The following TXNRD2 variants were observed in gnomAD, a reference collection of about 807,000 sequenced individuals.
The protein encoded by TXNRD2 is thioredoxin reductase 2.
A neutral mutation model predicts 70.8 loss-of-function variants in TXNRD2; 67 were observed. That is an observed-to-expected ratio of 0.95 (90% confidence interval 0.78 to 1.16). The LOEUF is 1.16. Ranked by LOEUF, TXNRD2 falls within the 50% of genes most tolerant of loss-of-function variation. The probability of loss-of-function intolerance (pLI) is 0.00; values close to 1 mark genes in which losing one functional copy is unlikely to be tolerated. For missense variants in TXNRD2, 644 were observed against 719.9 expected, an observed-to-expected ratio of 0.89 and a Z score of 1.21; for synonymous variants, 301 against 295.8, an observed-to-expected ratio of 1.02 and a Z score of -0.18.
chr22:19,941,481 A>G, intron 1 of TXNRD2: 1 of 717,314 alleles, frequency 1.4e-6, no homozygotes. Context: ...AGGACCTTAG[A>G]CAAGGCACCC....
intron 8 of TXNRD2, among the ~76,000 whole-genome samples, chr22:19,907,492 GCA>G (rs1422894003): frequency 2.1e-4 from 2 of 9,680 alleles, no homozygotes; most frequent in Non-Finnish European, 1.7e-4. Flanking sequence ...GAGTGTGGGT[GCA>G]CCGTGGGTAG....
chr22:19,901,951 C>A (rs559964891), intron 8 of TXNRD2, among the ~76,000 whole-genome samples: 2 of 152,314 alleles, frequency 1.3e-5, no homozygotes, highest in African/African-American at 4.8e-5. Flanking sequence ...GCAATCCCAG[C>A]ACTCTGGGAG....
chr22:19,930,333 C>T (rs4333017), intron 2 of TXNRD2, among the ~76,000 whole-genome samples: 15,054 of 152,170 alleles, frequency 0.099, 997 homozygotes, highest in Non-Finnish European at 0.14. Context: ...CCATTCACCA[C>T]AACTGCCCTC....
intron 8 of TXNRD2, among the ~76,000 whole-genome samples, chr22:19,904,718 G>A (rs1490239807): frequency 6.6e-6 from 1 of 152,208 alleles, no homozygotes; most frequent in Non-Finnish European, 1.5e-5. Flanking sequence ...GGGGCCAGGG[G>A]GACAGGGAGC....
intron 13 of TXNRD2, 105 bp from the exon 14 acceptor site, chr22:19,880,376 G>T: frequency 1.6e-6 from 2 of 1,226,552 alleles, no homozygotes; most frequent in Non-Finnish European, 2.3e-6. Context: ...GACCAGATGC[G>T]CCCAGAGCAG....
At chr22:19,936,223 T>C (rs1044985851) in intron 1 of TXNRD2, among the ~76,000 whole-genome samples, 4 of 151,998 alleles carry the variant, frequency 2.6e-5, no homozygotes, top group Non-Finnish European at 5.9e-5. Flanking sequence ...CACCCTGCAG[T>C]TACCACAGTT....
rs563747332 is a variant in TXNRD2 at position 19,895,139 on chromosome 22, T to C, written c.949+268A>G. 79 of 1,598,452 alleles carry C rather than the reference T, an allele frequency of 4.9e-5. No individual in the cohort carries two copies. In the African/African-American group the frequency reaches 1.1e-3, roughly 21 times the overall value. ...ACACCTGGCTGATGCCGTCTCAGTC[T>C]CTTCTCTGGTTTTTTCCAGCATGTC... On this transcript the variant is annotated intron_variant, in intron 11 of 17. Transcript: ENST00000400521.
intron 8 of TXNRD2, among the ~76,000 whole-genome samples, chr22:19,909,950 C>G (rs1940326885): frequency 6.9e-6 from 1 of 144,316 alleles, no homozygotes; most frequent in Admixed American, 7.0e-5. Context: ...ACACCACACA[C>G]ACACACCACT....
chr22:19,907,090 G>A, intron 8 of TXNRD2, among the ~76,000 whole-genome samples: 1 of 112,998 alleles, frequency 8.8e-6, no homozygotes, highest in African/African-American at 3.4e-5. Flanking sequence ...TCTCAGGAGA[G>A]TGTGGGCGCC....
Position 19,906,001 on chromosome 22 carries a change from A to G in TXNRD2, c.662+5376T>C, listed in dbSNP as rs146371922. ...AAAGCCACTAAGTGTAAAAGATTTA[A>G]GTTACATTAAAAAAAACTTAAACCA... On this transcript the variant is annotated intron_variant, in intron 8 of 17. Transcript: ENST00000400521. Among the ~76,000 whole-genome samples the G allele has an allele frequency of 3.4e-3, 515 of 152,292 alleles. 3 individuals carry two copies. Among genetic ancestry groups the G allele is most frequent in the African/African-American group, 0.012 (502 of 41,536 alleles).
At chr22:19,932,401 C>T in intron 1 of TXNRD2, 1 of 1,612,634 alleles carries the variant, frequency 6.2e-7, no homozygotes, top group Non-Finnish European at 8.5e-7. Flanking sequence ...CCACTCTCAG[C>T]CTTTTTAGCC....
chr22:19,929,296 C>G (rs868589886), intron 2 of TXNRD2, among the ~76,000 whole-genome samples: 1 of 144,428 alleles, frequency 6.9e-6, no homozygotes, highest in African/African-American at 2.6e-5. Flanking sequence ...CACTGCACTC[C>G]AGCCTGGGCA....
intron 2 of TXNRD2, among the ~76,000 whole-genome samples, chr22:19,925,140 C>T (rs367946195): frequency 2.0e-5 from 3 of 151,738 alleles, no homozygotes; most frequent in East Asian, 1.9e-4. Flanking sequence ...AAAAATTAGA[C>T]GGGCATGGTG....
chr22:19,929,014 AAAAG>A (rs1315360954), intron 2 of TXNRD2, among the ~76,000 whole-genome samples: 2 of 148,776 alleles, frequency 1.3e-5, no homozygotes, highest in Non-Finnish European at 3.0e-5. Flanking sequence ...GCAAAAAAAA[AAAAG>A]AGGTAGTTAA....
At chr22:19,900,074 G>A (rs1939702176) in intron 8 of TXNRD2, among the ~76,000 whole-genome samples, 1 of 152,230 alleles carries the variant, frequency 6.6e-6, no homozygotes, top group Admixed American at 6.5e-5. Flanking sequence ...TTCTGCAGGT[G>A]CCCTGCGGGA....
chr22:19,894,949 G>A (rs1298761225), intron 11 of TXNRD2: 23 of 1,379,154 alleles, frequency 1.7e-5, no homozygotes, highest in African/African-American at 1.4e-4. Flanking sequence ...CAGCCTGGGC[G>A]ACAGAGCGAG....
chr22:19,895,787 G>A (rs1939480530), intron 10 of TXNRD2, among the ~76,000 whole-genome samples: 1 of 152,164 alleles, frequency 6.6e-6, no homozygotes, highest in Non-Finnish European at 1.5e-5. Flanking sequence ...TCAACCCTGG[G>A]CCCTATGGTC....
rs1246351128 is a variant in TXNRD2, at chr22:19,898,093, A to C, written c.720T>G (p.Ile240Met). 6 of 1,567,304 alleles carry C rather than the reference A, an allele frequency of 3.8e-6. No individual in the cohort carries two copies. In the African/African-American group the frequency reaches 6.8e-5, roughly 18 times the overall value. Residue 240 changes from isoleucine (I) to methionine (M), a missense_variant, in exon 10 of 18, where the codon ATT becomes ATG. Physicochemically the swap from Ile to Met is conservative, Grantham distance 10 (BLOSUM62 1). Transcript: ENST00000400521. The stretch of plus-strand genomic sequence containing the variant: ...GCATCATGATGGTGGTGTCCAGCCC[A>C]ATCCCGGTGAGGAAGCCAGCACACT... ...ALECAGFLTG[I>M]GLDTTIMMRS...
intron 2 of TXNRD2, among the ~76,000 whole-genome samples, chr22:19,924,917 TAGC>T (rs928908470): frequency 6.7e-6 from 1 of 149,434 alleles, no homozygotes; most frequent in African/African-American, 2.5e-5. Flanking sequence ...ATAAAAATAG[TAGC>T]AGATTTCTCA....
Sources: gnomAD v4.1 joint callset for allele counts (sites outside exome capture counted in the v4.1 genomes callset) on GRCh38, gnomAD v4.1.1 for gene constraint, MANE v1.5 for transcripts, NCBI Gene and HGNC (gene_info 2026-07-23, HGNC 2026-07-21) for gene names.